The following ARHGEF28 variants were observed in gnomAD, a reference collection of about 807,000 sequenced individuals.
ARHGEF28 encodes 190 kDa guanine nucleotide exchange factor.
ARHGEF28 carries 152 observed loss-of-function variants against 206.6 expected under a neutral mutation model. The ratio of observed to expected loss-of-function variants is 0.74; its 90% CI spans 0.64 to 0.84. The LOEUF is 0.84. Among genes scored for constraint, ARHGEF28 ranks in the 40% least tolerant of loss-of-function variants. The pLI, the probability that ARHGEF28 is intolerant of heterozygous loss-of-function variation, is 0.00. For synonymous variants in ARHGEF28, 763 were observed against 776.4 expected (o/e 0.98, Z 0.29); for missense variants, 2,028 against 2,073.2 (o/e 0.98, Z 0.42).
intron 1 of ARHGEF28, among the ~76,000 whole-genome samples, chr5:73,637,455 T>C (rs977815059): frequency 3.3e-5 from 5 of 152,192 alleles, no homozygotes; most frequent in Non-Finnish European, 2.9e-5. Flanking sequence ...GAAAACACAC[T>C]TGTGCTTATA....
intron 7 of ARHGEF28, among the ~76,000 whole-genome samples, chr5:73,786,124 T>G (rs1465227562): frequency 1.3e-5 from 2 of 151,864 alleles, no homozygotes; most frequent in Non-Finnish European, 2.9e-5. Flanking sequence ...TGCATTTAAT[T>G]TCACTCAAGC....
intron 2 of ARHGEF28, among the ~76,000 whole-genome samples, chr5:73,704,105 C>T (rs1748781293): frequency 6.6e-6 from 1 of 151,890 alleles, no homozygotes; most frequent in Admixed American, 6.6e-5. Context: ...GCATTTAGGA[C>T]ATTTCCTGCT....
intron 22 of ARHGEF28, among the ~76,000 whole-genome samples, chr5:73,880,196 T>G (rs1167502319): frequency 6.6e-6 from 1 of 152,154 alleles, no homozygotes; most frequent in African/African-American, 2.4e-5. Flanking sequence ...GTGCTAGCAA[T>G]CAGCGAGACT....
chr5:73,857,510 CT>C (rs1177270525), intron 14 of ARHGEF28, 145 bp from the exon 15 acceptor site: 10 of 735,462 alleles, frequency 1.4e-5, no homozygotes, highest in African/African-American at 3.7e-5. Context: ...AATTGTTTTT[CT>C]CTTTAGAACA....
At chr5:73,756,389 T>C (rs1275667427) in intron 4 of ARHGEF28, among the ~76,000 whole-genome samples, 3 of 152,228 alleles carry the variant, frequency 2.0e-5, no homozygotes, top group Admixed American at 6.5e-5. Context: ...CTTTGAAAAT[T>C]TCTAGGAATG....
chr5:73,865,927 T>A (rs1759676045), intron 17 of ARHGEF28, 38 bp from the exon 18 acceptor site: 1 of 1,420,160 alleles, frequency 7.0e-7, no homozygotes, highest in Admixed American at 1.9e-5. Flanking sequence ...TAATGATACT[T>A]TGATCTTACT....
intron 6 of ARHGEF28, chr5:73,777,912 C>G (rs1753627509): frequency 6.6e-6 from 1 of 152,230 alleles, no homozygotes; most frequent in Non-Finnish European, 1.5e-5. Context: ...AACATCGTCT[C>G]TACTAAAAAT....
chr5:73,658,139 T>TTA (rs1554051281), intron 1 of ARHGEF28, among the ~76,000 whole-genome samples: 5 of 146,552 alleles, frequency 3.4e-5, no homozygotes, highest in Non-Finnish European at 4.5e-5. Flanking sequence ...GTCCTTTTTT[T>TTA]AAAAAAAAAA....
At chr5:73,823,632 G>C (rs1756724501) in intron 9 of ARHGEF28, among the ~76,000 whole-genome samples, 1 of 152,178 alleles carries the variant, frequency 6.6e-6, no homozygotes, top group African/African-American at 2.4e-5. Flanking sequence ...ACTGCCAGGG[G>C]TGAATAGGAC....
chr5:73,933,952 A>G (rs1208438403), intron 35 of ARHGEF28, among the ~76,000 whole-genome samples: 1 of 150,724 alleles, frequency 6.6e-6, no homozygotes, highest in African/African-American at 2.4e-5. Flanking sequence ...GTTTGTTTGA[A>G]TTGGAATCCA....
At chr5:73,931,500 T>C (rs916888282) in intron 35 of ARHGEF28, among the ~76,000 whole-genome samples, 6 of 152,214 alleles carry the variant, frequency 3.9e-5, no homozygotes, top group Admixed American at 2.0e-4. Context: ...CCTCTGATTT[T>C]TCTGTTTGTT....
intron 35 of ARHGEF28, among the ~76,000 whole-genome samples, chr5:73,930,455 G>GTTCACTC (rs1764046991): frequency 6.6e-6 from 1 of 152,132 alleles, no homozygotes; most frequent in African/African-American, 2.4e-5. Flanking sequence ...TTTCAAATGT[G>GTTCACTC]TTCACTCTTA....
Position 73,933,053 on chromosome 5 carries a change from G to A in ARHGEF28, c.4949-7791G>A, listed in dbSNP as rs927919637. ...TCTCGATCTCCTGACCTCGTGATCC[G>A]CCCGTCTCGGCCTCCCAAAGTGCTG... On this transcript the variant is annotated intron_variant, in intron 35 of 35. Transcript: ENST00000513042. 6.6e-5 allele frequency among the ~76,000 whole-genome samples: 10 copies of A among 151,812 alleles called. No homozygotes were observed. The East Asian group carries it at 1.6e-3, about 24-fold the overall frequency.
intron 9 of ARHGEF28, among the ~76,000 whole-genome samples, chr5:73,797,540 A>G (rs1356353625): frequency 2.0e-5 from 3 of 152,256 alleles, no homozygotes; most frequent in African/African-American, 4.8e-5. Flanking sequence ...AGCTGGGATT[A>G]CAGGCACCCA....
At chr5:73,846,155 C>T (rs1758340368) in intron 11 of ARHGEF28, 113 bp from the exon 12 acceptor site, 2 of 895,422 alleles carry the variant, frequency 2.2e-6, no homozygotes, top group Non-Finnish European at 3.4e-6. Flanking sequence ...TAAATGAATA[C>T]CTATTGCACC....
At chr5:73,866,127 C>A in intron 18 of ARHGEF28, 114 bp downstream of exon 18, 3 of 943,086 alleles carry the variant, frequency 3.2e-6, no homozygotes, top group East Asian at 5.4e-5. Flanking sequence ...TTTCTTCTTT[C>A]ATAACATATG....
chr5:73,898,973 T>A (rs943741900), intron 30 of ARHGEF28: 1 of 152,214 alleles, frequency 6.6e-6, no homozygotes, highest in South Asian at 2.1e-4. Flanking sequence ...GAAGATTAAA[T>A]TGAACTCAGA....
chr5:73,868,027 C>A lies in ARHGEF28; in HGVS notation c.2297+7C>A. ...CAGGCACCACCTTGGAAAGGTAAGGCTGAGTGTGTTTTTACATATTAATGG... is the reference window on the plus strand; with the variant it reads ...CAGGCACCACCTTGGAAAGGTAAGGATGAGTGTGTTTTTACATATTAATGG... On this transcript the variant is annotated splice_region_variant and intron_variant, in intron 19 of 35. Transcript: ENST00000513042. 1 of 1,613,798 alleles carries A rather than the reference C, an allele frequency of 6.2e-7. No individual in the cohort carries two copies. Among genetic ancestry groups the A allele is most frequent in the South Asian group, 1.1e-5 (1 of 91,054 alleles).
In ARHGEF28 at chr5:73,941,036, A is replaced by G. The variant is rs1228354807; in HGVS notation, c.*23A>G. ...TAATTGTGTTGTCATTTTTCCAAACAAAACAAAACACTGGCACTTTTGGGA... is the reference window on the plus strand; with the variant it reads ...TAATTGTGTTGTCATTTTTCCAAACGAAACAAAACACTGGCACTTTTGGGA... On this transcript the variant is annotated 3_prime_UTR_variant, in exon 36 of 36. Transcript: ENST00000513042. 1 of 1,452,228 alleles carries G rather than the reference A, an allele frequency of 6.9e-7. No individual in the cohort carries two copies. Among genetic ancestry groups the G allele is most frequent in the Non-Finnish European group, 9.0e-7 (1 of 1,108,870 alleles). The allele number at this position is 1,452,228 out of a possible 1,614,324, so 90.0% of individuals were successfully genotyped here.
Sources: gnomAD v4.1 joint callset for allele counts (sites outside exome capture counted in the v4.1 genomes callset) on GRCh38, gnomAD v4.1.1 for gene constraint, MANE v1.5 for transcripts, NCBI Gene and HGNC (gene_info 2026-07-23, HGNC 2026-07-21) for gene names.